The following FABP12 variants were observed in gnomAD, a reference collection of about 807,000 sequenced individuals.
FABP12 encodes fatty acid binding protein 12.
FABP12 carries 19 observed loss-of-function variants against 13.7 expected under a neutral mutation model. The ratio of observed to expected loss-of-function variants is 1.39; its 90% CI spans 0.97 to 2.04. The LOEUF (loss-of-function observed/expected upper bound fraction) is 2.04. Ranked by LOEUF, FABP12 falls within the 30% of genes most tolerant of loss-of-function variation. FABP12 has a pLI of 0.00. For missense variants in FABP12, 182 were observed against 164.2 expected, an observed-to-expected ratio of 1.11 and a Z score of -0.59; for synonymous variants, 61 against 57.0, an observed-to-expected ratio of 1.07 and a Z score of -0.32.
At chr8:81,531,250 C>T in exon 2 of FABP12, 1 of 1,605,958 alleles carries the variant, frequency 6.2e-7, no homozygotes, top group East Asian at 2.2e-5. Context: ...CACCCAGCTC[C>T]TTCATGTAGT....
At chr8:81,535,325 T>C (rs181592123), upstream of FABP12, among the ~76,000 whole-genome samples, 232 of 152,304 alleles carry the variant, frequency 1.5e-3, 2 homozygotes, top group Middle Eastern at 3.4e-3. Context: ...TTCACCATCT[T>C]ATCAAGGGAT....
At chr8:81,560,074 A>G (rs1450315546) in intron 1 of FABP12, among the ~76,000 whole-genome samples, 1 of 152,240 alleles carries the variant, frequency 6.6e-6, no homozygotes, top group African/African-American at 2.4e-5. Flanking sequence ...AAAATAATTA[A>G]AAGTATTTCC....
chr8:81,525,440 T>A (rs1808870358), intron 4 of FABP12, among the ~76,000 whole-genome samples: 1 of 150,872 alleles, frequency 6.6e-6, no homozygotes, highest in Non-Finnish European at 1.5e-5. Context: ...CACTTGAACC[T>A]GGGAGGTGGA....
At position 81,549,829 on chromosome 8, in the gene FABP12, A is replaced by G. The variant is rs538424280; in HGVS notation, c.-184-10086T>C. 2.6e-5 allele frequency among the ~76,000 whole-genome samples: 4 copies of G among 152,346 alleles called. No homozygotes were observed. In the South Asian group the frequency reaches 6.2e-4, roughly 24 times the overall value. ...AGGTTAGACTTCAAATGATTTAAACAAAGAACACTAGAAATTTTGTAACCT... is the reference window on the plus strand; with the variant it reads ...AGGTTAGACTTCAAATGATTTAAACGAAGAACACTAGAAATTTTGTAACCT... On this transcript the variant is annotated intron_variant, in intron 1 of 5. Coordinates refer to the FABP12 transcript ENST00000692030.
At chr8:81,578,442 A>G (rs1285651776) in intron 1 of FABP12, among the ~76,000 whole-genome samples, 1 of 152,096 alleles carries the variant, frequency 6.6e-6, no homozygotes, top group Non-Finnish European at 1.5e-5. Context: ...TACAGAATAT[A>G]AATGAGAATT....
At chr8:81,539,433 C>CTTT (rs35386904) in intron 2 of FABP12, among the ~76,000 whole-genome samples, 9 of 50,016 alleles carry the variant, frequency 1.8e-4, no homozygotes, top group African/African-American at 5.6e-4. Flanking sequence ...TTCTTTAGTT[C>CTTT]TTTTTTTTTT....
At chr8:81,579,427 A>G (rs1810119781) in intron 1 of FABP12, among the ~76,000 whole-genome samples, 1 of 152,220 alleles carries the variant, frequency 6.6e-6, no homozygotes, top group African/African-American at 2.4e-5. Flanking sequence ...TCAAATAAAA[A>G]TATGTAGGTG....
chr8:81,529,442 G>C, exon 3 of FABP12: 1 of 1,613,810 alleles, frequency 6.2e-7, no homozygotes, highest in Non-Finnish European at 8.5e-7. Flanking sequence ...CCTCACCTTT[G>C]TTTTGTGGCC....
chr8:81,576,731 G>T (rs1384427720), intron 1 of FABP12, among the ~76,000 whole-genome samples: 1 of 152,094 alleles, frequency 6.6e-6, no homozygotes, highest in African/African-American at 2.4e-5. Context: ...CCCCAAATCT[G>T]AGTGGCTTAA....
intron 1 of FABP12, among the ~76,000 whole-genome samples, chr8:81,575,950 G>A (rs756878060): frequency 2.6e-5 from 4 of 152,132 alleles, no homozygotes; most frequent in East Asian, 1.9e-4. Context: ...TGTCTTCCAC[G>A]AAATTGGTTT....
At chr8:81,536,537 G>A (rs1809226763), upstream of FABP12, among the ~76,000 whole-genome samples, 1 of 152,170 alleles carries the variant, frequency 6.6e-6, no homozygotes, top group Admixed American at 6.5e-5. Context: ...TTACTCATTT[G>A]CAACTAATTC....
chr8:81,529,311 C>T, intron 3 of FABP12, 127 bp downstream of exon 3: 1 of 912,668 alleles, frequency 1.1e-6, no homozygotes. Flanking sequence ...CATCCTTAGA[C>T]CTATGTTTTA....
chr8:81,550,333 A>C (rs980731410), intron 1 of FABP12, among the ~76,000 whole-genome samples: 3 of 152,218 alleles, frequency 2.0e-5, no homozygotes, highest in Non-Finnish European at 4.4e-5. Context: ...ATGCTGACCC[A>C]GTGACCTGAT....
At chr8:81,525,120 C>T (rs777011733) in exon 5 of FABP12, 19 of 1,569,974 alleles carry the variant, frequency 1.2e-5, no homozygotes, top group Non-Finnish European at 1.7e-5. Flanking sequence ...ACAGTACTTT[C>T]CTACAAGACA....
At chr8:81,558,469 T>C (rs994268675) in intron 1 of FABP12, among the ~76,000 whole-genome samples, 1 of 152,152 alleles carries the variant, frequency 6.6e-6, no homozygotes, top group Non-Finnish European at 1.5e-5. Flanking sequence ...CAGCCCTGCC[T>C]ACCCACTCTC....
chr8:81,587,440 A>G (rs1217645456), intron 1 of FABP12, among the ~76,000 whole-genome samples: 1 of 152,030 alleles, frequency 6.6e-6, no homozygotes, highest in African/African-American at 2.4e-5. Flanking sequence ...ACGTTTTTCC[A>G]TTTGTTTGTG....
chr8:81,586,403 T>C (rs144563667), intron 1 of FABP12, among the ~76,000 whole-genome samples: 335 of 152,308 alleles, frequency 2.2e-3, no homozygotes, highest in African/African-American at 7.1e-3. Flanking sequence ...TTTTAAGTTC[T>C]TTGAGAAATC....
intron 1 of FABP12, among the ~76,000 whole-genome samples, chr8:81,558,477 C>G (rs571838786): frequency 6.6e-6 from 1 of 152,296 alleles, no homozygotes; most frequent in South Asian, 2.1e-4. Flanking sequence ...CCTACCCACT[C>G]TCTCTTCCAG....
chr8:81,543,159 A>T (rs941055470), intron 1 of FABP12, among the ~76,000 whole-genome samples: 1 of 152,246 alleles, frequency 6.6e-6, no homozygotes, highest in Non-Finnish European at 1.5e-5. Context: ...TTGAAGGCAG[A>T]GCACTTCCAT....
Sources: gnomAD v4.1 joint callset for allele counts (sites outside exome capture counted in the v4.1 genomes callset) on GRCh38, gnomAD v4.1.1 for gene constraint, MANE v1.5 for transcripts, NCBI Gene and HGNC (gene_info 2026-07-23, HGNC 2026-07-21) for gene names.